CTC1: variants seen among roughly 807,000 people sequenced by gnomAD.
CTC1 encodes CST telomere replication complex component 1.
CTC1 carries 91 observed loss-of-function variants against 136.3 expected under a neutral mutation model. That is an observed-to-expected ratio of 0.67 (90% CI 0.56 to 0.79). The LOEUF is 0.79. Ranked by LOEUF, CTC1 falls within the 30% of genes least tolerant of loss-of-function variation. The pLI is 0.00. For missense variants in CTC1, 1,432 were observed against 1,498.1 expected (o/e 0.96, Z 0.73); for synonymous variants, 606 against 613.8 (o/e 0.99, Z 0.19).
chr17:8,228,204 CA>C lies in CTC1; in HGVS notation c.3629del (p.Leu1210ArgfsTer10), dbSNP rs759855918. The C allele has an allele frequency of 3.1e-6, 5 of 1,614,042 alleles. No homozygotes were observed. The highest frequency in any genetic ancestry group is 4.2e-6 in the Non-Finnish European group (5 of 1,179,982). ...SIRESEYSSS[L>X]GILASSC ...GTTAACAGGAGGAAGCAAGGATCCC[CA>C]GAGAGCTGGAGTACTCTGACTCTCG... On this transcript the variant is annotated frameshift_variant, in exon 23 of 23. Transcript: ENST00000651323. LOFTEE classifies it high-confidence loss of function.
At chr17:8,232,570 G>A (rs999674191) in intron 11 of CTC1, 95 bp from the exon 12 acceptor site, 20 of 966,722 alleles carry the variant, frequency 2.1e-5, no homozygotes, top group Non-Finnish European at 2.2e-5. Context: ...CCCATCCCAG[G>A]CCAGAGCTGC....
chr17:8,231,928 T>C lies in CTC1; in HGVS notation c.2360A>G (p.Gln787Arg). Residue 787 changes from glutamine (Q) to arginine (R), a missense_variant, in exon 13 of 23, where the codon CAG (glutamine) becomes CGG (arginine). Coordinates refer to ENST00000651323, the MANE Select transcript of CTC1 (RefSeq NM_025099.6). The part of the protein sequence containing the change: ...EGTGWGLPEP[Q>R]GNDDNDQKVH... Reference sequence around the variant, plus strand: ...CTTCTGATCATTGTCGTCATTTCCCTGGGGCTCGGGCAGCCCCCATCCAGT... The same window carrying C: ...CTTCTGATCATTGTCGTCATTTCCCCGGGGCTCGGGCAGCCCCCATCCAGT... 6.2e-7 allele frequency: 1 copy of C among 1,613,302 alleles called. No homozygotes were observed.
rs377142303 is a variant in CTC1, at chr17:8,226,162, G to A, written c.*2018C>T. ...ATGAGTGCAGAACAGAAACTCTTAC[G>A]CGTTCTGATATAAAAACAATACATG... On this transcript the variant is annotated 3_prime_UTR_variant, in exon 23 of 23. Coordinates refer to ENST00000651323, the MANE Select transcript of CTC1 (RefSeq NM_025099.6). The A allele has an allele frequency of 5.3e-5, 8 of 152,252 alleles. No homozygotes were observed. In the South Asian group the frequency reaches 1.5e-3, roughly 28 times the overall value. The allele number at this position is 152,252 out of a possible 1,614,324, so 9.4% of individuals were successfully genotyped here.
chr17:8,230,982 CA>C, intron 15 of CTC1: 1 of 475,744 alleles, frequency 2.1e-6, no homozygotes, highest in Non-Finnish European at 3.7e-6. Context: ...ACTAAAAATA[CA>C]AAAAAACTAG....
In CTC1 at chr17:8,225,925, G is replaced by C. The variant is rs944354414; in HGVS notation, c.*2255C>G. The stretch of plus-strand genomic sequence containing the variant: ...CTCAGGTTCTAGGGGACGTCCTAGG[G>C]TGGAGAAAGAGGCCTGGAAGGTGGG... On this transcript the variant is annotated 3_prime_UTR_variant, in exon 23 of 23. Transcript: ENST00000651323. The C allele has an allele frequency of 1.1e-4, 17 of 152,234 alleles. No individual in the cohort carries two copies. Among genetic ancestry groups the C allele is most frequent in the African/African-American group, 3.1e-4 (13 of 41,526 alleles). The allele number at this position is 152,234 out of a possible 1,614,324, so 9.4% of individuals were successfully genotyped here.
intron 10 of CTC1, among the ~76,000 whole-genome samples, chr17:8,233,989 T>A (rs1021725987): frequency 1.3e-5 from 2 of 152,194 alleles, no homozygotes; most frequent in African/African-American, 2.4e-5. Context: ...CACTTTTTTT[T>A]AAACTTCCTT....
At chr17:8,235,761 G>T in intron 7 of CTC1, 70 bp downstream of exon 7, 1 of 1,494,206 alleles carries the variant, frequency 6.7e-7, no homozygotes, top group Non-Finnish European at 9.0e-7. Flanking sequence ...CCCTGCTGCA[G>T]AAAAGGAGCC....
intron 10 of CTC1, chr17:8,233,351 G>A (rs958809095): frequency 7.4e-5 from 19 of 255,294 alleles, no homozygotes; most frequent in East Asian, 2.2e-4. Flanking sequence ...AAGCTGGGGC[G>A]CAGTGGCTCA....
chr17:8,237,608 T>G (rs1987842797), intron 4 of CTC1, 89 bp from the exon 5 acceptor site: 2 of 999,456 alleles, frequency 2.0e-6, no homozygotes. Flanking sequence ...GAGGTTGCAG[T>G]AAGCTGAGAT....
intron 15 of CTC1, chr17:8,231,063 C>A (rs1046965250): frequency 2.4e-5 from 12 of 506,194 alleles, no homozygotes; most frequent in East Asian, 1.9e-4. Flanking sequence ...ATCCTTCGAA[C>A]CAGGGAAGTA....
At chr17:8,237,035 C>CA (rs1298403676) in intron 5 of CTC1, among the ~76,000 whole-genome samples, 26 of 97,672 alleles carry the variant, frequency 2.7e-4, no homozygotes, top group Non-Finnish European at 5.9e-4. Flanking sequence ...CAGTAAGTAC[C>CA]AAGTTTTTTT....
intron 2 of CTC1, 71 bp downstream of exon 2, chr17:8,242,914 G>T: frequency 7.1e-7 from 1 of 1,414,734 alleles, no homozygotes; most frequent in Admixed American, 2.3e-5. Flanking sequence ...TCTAATTATA[G>T]AACCTTACTT....
chr17:8,242,553 A>T (rs12945117), intron 2 of CTC1, among the ~76,000 whole-genome samples: 6,670 of 58,652 alleles, frequency 0.11, 397 homozygotes, highest in African/African-American at 0.24. Flanking sequence ...AAAAAAAAAA[A>T]ATATATATAT....
At chr17:8,228,974 C>CT (rs1405827636) in intron 20 of CTC1, 82 bp from the exon 21 acceptor site, 3 of 1,512,308 alleles carry the variant, frequency 2.0e-6, no homozygotes, top group Non-Finnish European at 2.7e-6. Flanking sequence ...TCCCTCCCCG[C>CT]TGTCTGCAGT....
At chr17:8,231,524 G>T in intron 14 of CTC1, 55 bp from the exon 15 acceptor site, 2 of 1,505,022 alleles carry the variant, frequency 1.3e-6, no homozygotes, top group Non-Finnish European at 1.8e-6. Flanking sequence ...CCAGTGGGAG[G>T]TTCACAAAAC....
intron 6 of CTC1, 29 bp from the exon 7 acceptor site, chr17:8,235,988 A>G (rs368452336): frequency 1.1e-4 from 181 of 1,600,136 alleles, no homozygotes; most frequent in Non-Finnish European, 1.4e-4. Context: ...CCAGTTGACC[A>G]CTATTTTCTT....
At chr17:8,230,751 G>A in intron 15 of CTC1, 100 bp from the exon 16 acceptor site, 3 of 959,676 alleles carry the variant, frequency 3.1e-6, no homozygotes, top group Non-Finnish European at 4.9e-6. Flanking sequence ...GTATCTGCTA[G>A]AACTTCATAT....
In CTC1 at chr17:8,237,520, C is replaced by T. The variant is rs1350988543; in HGVS notation, c.648-1G>A. On this transcript the variant is annotated splice_acceptor_variant, in intron 4 of 22. Transcript: ENST00000651323. LOFTEE classifies it high-confidence loss of function. ...TCGCTGCACACCTCTGAGCTTGTTTCTAAGAAGGAAGAAAAAGCCCTGTAA... is the reference window on the plus strand; with the variant it reads ...TCGCTGCACACCTCTGAGCTTGTTTTTAAGAAGGAAGAAAAAGCCCTGTAA... The T allele has an allele frequency of 1.9e-6, 3 of 1,613,762 alleles. No homozygotes were observed. The South Asian group carries it at 3.3e-5, about 18-fold the overall frequency.
chr17:8,239,023 T>C (rs552695724), intron 2 of CTC1, among the ~76,000 whole-genome samples: 6 of 139,112 alleles, frequency 4.3e-5, no homozygotes, highest in Admixed American at 2.5e-4. Context: ...ACCCAGGAGA[T>C]GGAGGTTGCA....
Sources: allele counts gnomAD v4.1 joint callset (sites outside exome capture counted in the v4.1 genomes callset), GRCh38; gene constraint gnomAD v4.1.1; transcripts MANE v1.5; gene names NCBI Gene and HGNC (gene_info 2026-07-23, HGNC 2026-07-21).